The following DPP10 variants were observed in gnomAD, a reference collection of about 807,000 sequenced individuals.
DPP10 encodes inactive dipeptidyl peptidase 10.
In DPP10, 33 loss-of-function variants were observed where a neutral mutation model predicts 120.9. That is an observed-to-expected ratio of 0.27 (90% confidence interval 0.21 to 0.37). DPP10 has a LOEUF of 0.37. Among genes scored for constraint, DPP10 ranks in the 10% least tolerant of loss-of-function variants. The probability of loss-of-function intolerance (pLI) is 1.00; values close to 1 mark genes in which losing one functional copy is unlikely to be tolerated. For synonymous variants in DPP10, 337 were observed against 326.1 expected, an observed-to-expected ratio of 1.03 and a Z score of -0.36; for missense variants, 816 against 942.8, an observed-to-expected ratio of 0.87 and a Z score of 1.76.
At chr2:114,988,094 G>T (rs996039492) in intron 1 of DPP10, among the ~76,000 whole-genome samples, 1 of 151,962 alleles carries the variant, frequency 6.6e-6, no homozygotes, top group South Asian at 2.1e-4. Flanking sequence ...GTGAGCCACC[G>T]CGCCCGGCCG....
At chr2:114,582,271 T>C (rs1479174411) in intron 1 of DPP10, among the ~76,000 whole-genome samples, 1 of 152,224 alleles carries the variant, frequency 6.6e-6, no homozygotes, top group Non-Finnish European at 1.5e-5. Flanking sequence ...CATGTATTGA[T>C]AGCTCATTTC....
chr2:115,064,975 G>A (rs1706723534), intron 1 of DPP10, among the ~76,000 whole-genome samples: 1 of 152,028 alleles, frequency 6.6e-6, no homozygotes, highest in Non-Finnish European at 1.5e-5. Flanking sequence ...TAATGTGTAT[G>A]TTTATATTAT....
chr2:115,532,297 A>G (rs1007448949), intron 5 of DPP10, among the ~76,000 whole-genome samples: 1 of 152,028 alleles, frequency 6.6e-6, no homozygotes, highest in African/African-American at 2.4e-5. Context: ...GATATTAACT[A>G]ACTTCCTCAA....
At chr2:115,517,487 C>T (rs1030403148) in intron 4 of DPP10, among the ~76,000 whole-genome samples, 3 of 152,106 alleles carry the variant, frequency 2.0e-5, no homozygotes, top group African/African-American at 4.8e-5. Context: ...TCATCTTATA[C>T]TTCCCTTTAT....
intron 19 of DPP10, among the ~76,000 whole-genome samples, chr2:115,804,958 TGTCA>T (rs1315730706): frequency 1.3e-5 from 2 of 152,224 alleles, no homozygotes; most frequent in Non-Finnish European, 2.9e-5. Context: ...TCTTCAAAGC[TGTCA>T]GACAGGGACA....
chr2:114,509,187 C>T (rs1361710592), intron 1 of DPP10, among the ~76,000 whole-genome samples: 2 of 152,172 alleles, frequency 1.3e-5, no homozygotes, highest in African/African-American at 4.8e-5. Context: ...TTGCCAGATG[C>T]TCTGAAAGTG....
chr2:115,185,871 G>A (rs2054400510), intron 1 of DPP10, among the ~76,000 whole-genome samples: 1 of 152,168 alleles, frequency 6.6e-6, no homozygotes, highest in South Asian at 2.1e-4. Context: ...AGGTTGTAAT[G>A]CAAGTGTGTT....
intron 1 of DPP10, among the ~76,000 whole-genome samples, chr2:114,986,996 T>A (rs1700444238): frequency 6.6e-6 from 1 of 152,048 alleles, no homozygotes; most frequent in Admixed American, 6.6e-5. Context: ...GCCAGGCTTG[T>A]CTCGAACTCC....
chr2:115,227,803 T>C (rs2057512336), intron 1 of DPP10, among the ~76,000 whole-genome samples: 1 of 152,166 alleles, frequency 6.6e-6, no homozygotes, highest in Non-Finnish European at 1.5e-5. Context: ...CATAGTTTGT[T>C]CAGCCATTTT....
chr2:115,300,376 C>T (rs964452733), intron 1 of DPP10, among the ~76,000 whole-genome samples: 4 of 151,970 alleles, frequency 2.6e-5, no homozygotes, highest in Non-Finnish European at 5.9e-5. Flanking sequence ...TTTTAAAGTT[C>T]ATCTATGTTG....
chr2:115,631,234 T>C (rs533451123), intron 5 of DPP10, among the ~76,000 whole-genome samples: 93 of 152,218 alleles, frequency 6.1e-4, no homozygotes, highest in Middle Eastern at 3.4e-3. Flanking sequence ...CATTCTCTGA[T>C]GATTGTTTGT....
intron 3 of DPP10, among the ~76,000 whole-genome samples, chr2:115,486,040 A>C (rs914240056): frequency 3.9e-5 from 6 of 152,140 alleles, no homozygotes; most frequent in African/African-American, 1.4e-4. Flanking sequence ...GTATTTTATA[A>C]GGGAACATAT....
At chr2:115,688,424 T>C (rs912957461) in intron 5 of DPP10, among the ~76,000 whole-genome samples, 2 of 152,200 alleles carry the variant, frequency 1.3e-5, no homozygotes, top group Non-Finnish European at 2.9e-5. Context: ...CTAGGGAGTT[T>C]TAATTGACAG....
rs146553301 is a variant in DPP10 at position 114,999,076 on chromosome 2, A to T, written c.61-310163A>T. Reference sequence around the variant, plus strand: ...AGCACTTTTTTATAAGGTGTGGTGCAGTTGTAGTGTAAGAATTTAACCCCC... The same window carrying T: ...AGCACTTTTTTATAAGGTGTGGTGCTGTTGTAGTGTAAGAATTTAACCCCC... On this transcript the variant is annotated intron_variant, in intron 1 of 25. Transcript: ENST00000410059. 9.7e-4 allele frequency among the ~76,000 whole-genome samples: 148 copies of T among 152,330 alleles called. No homozygotes were observed. The East Asian group carries it at 0.024, about 25-fold the overall frequency.
intron 1 of DPP10, among the ~76,000 whole-genome samples, chr2:114,805,339 T>A (rs1172881730): frequency 4.6e-5 from 7 of 152,188 alleles, no homozygotes; most frequent in African/African-American, 1.7e-4. Context: ...GGCATTCTAC[T>A]ACCTTCTCCT....
At chr2:114,616,469 T>C (rs1377962923) in intron 1 of DPP10, among the ~76,000 whole-genome samples, 1 of 152,056 alleles carries the variant, frequency 6.6e-6, no homozygotes, top group African/African-American at 2.4e-5. Context: ...AACAAAGAAA[T>C]GCTGCACAGA....
intron 1 of DPP10, among the ~76,000 whole-genome samples, chr2:114,687,157 A>G (rs963814051): frequency 2.6e-5 from 4 of 151,982 alleles, no homozygotes; most frequent in Non-Finnish European, 1.5e-5. Context: ...CAAGAATAGT[A>G]AGGAGCAGAC....
chr2:114,957,830 T>C lies in DPP10; in HGVS notation c.61-351409T>C, dbSNP rs187806704. On this transcript the variant is annotated intron_variant, in intron 1 of 25. Transcript: ENST00000410059. ...ATGCAGATGAACCTGGAGAAGATTA[T>C]ATTATGTGAAATAAGCCTGGCACAG... is the stretch of plus-strand genomic sequence containing the variant. Among the ~76,000 whole-genome samples, 5 of 152,362 alleles carry C rather than the reference T, an allele frequency of 3.3e-5. No homozygotes were observed. In the East Asian group the frequency reaches 9.6e-4, roughly 29 times the overall value.
At chr2:115,131,266 G>A (rs889425545) in intron 1 of DPP10, among the ~76,000 whole-genome samples, 11 of 152,318 alleles carry the variant, frequency 7.2e-5, no homozygotes, top group Admixed American at 3.3e-4. Flanking sequence ...TGTAATCCCC[G>A]AACTTTGGGA....
Sources: gnomAD v4.1 joint callset for allele counts (sites outside exome capture counted in the v4.1 genomes callset) on GRCh38, gnomAD v4.1.1 for gene constraint, MANE v1.5 for transcripts, NCBI Gene and HGNC (gene_info 2026-07-23, HGNC 2026-07-21) for gene names.